Variants in DNPEP observed in about 807,000 individuals in gnomAD.
DNPEP encodes the protein aspartyl aminopeptidase.
Under a neutral mutation model 59.1 loss-of-function variants are expected in DNPEP, and 46 were observed. The ratio of observed to expected loss-of-function variants is 0.78; its 90% CI spans 0.61 to 0.99. The LOEUF (loss-of-function observed/expected upper bound fraction) is 0.99. Ranked by LOEUF, DNPEP falls within the 50% of genes least tolerant of loss-of-function variation. The probability of loss-of-function intolerance (pLI) is 0.00; values close to 1 mark genes in which losing one functional copy is unlikely to be tolerated. For missense variants in DNPEP, 617 were observed against 649.9 expected (o/e 0.95, Z 0.55); for synonymous variants, 229 against 242.2 (o/e 0.95, Z 0.50).
rs1180861061 is a variant in DNPEP at position 219,372,543 on chromosome 2, A to G, written c.*1749T>C. ...ACCACGCATGGCTAATTTTTTTTGTATTTTTAGTAGAGAGGTTTTCACCAT... is the reference window on the plus strand; with the variant it reads ...ACCACGCATGGCTAATTTTTTTTGTGTTTTTAGTAGAGAGGTTTTCACCAT... On this transcript the variant is annotated 3_prime_UTR_variant, in exon 15 of 15. Coordinates refer to ENST00000273075, the MANE Select transcript of DNPEP (RefSeq NM_012100.4). Among the ~76,000 whole-genome samples, 1 of 151,494 alleles carries G rather than the reference A, an allele frequency of 6.6e-6. No homozygotes were observed. The highest frequency in any genetic ancestry group is 1.5e-5 in the Non-Finnish European group (1 of 67,890).
chr2:219,381,853 C>T (rs931771828), intron 11 of DNPEP, 126 bp downstream of exon 11: 25 of 1,252,856 alleles, frequency 2.0e-5, no homozygotes, highest in East Asian at 1.0e-4. Flanking sequence ...AGGAAGTGCC[C>T]GTGAACCTCC....
In DNPEP at chr2:219,387,168, G is replaced by A. The variant is rs1473361853; in HGVS notation, c.37-5C>T. On this transcript the variant is annotated splice_polypyrimidine_tract_variant and splice_region_variant and intron_variant, in intron 1 of 14. Transcript: ENST00000273075. ...GGCCTTACCGTTCATGGCCACCTAG[G>A]GGAGGGGGATGCTCAGACTTTTACA... 3 of 1,554,552 alleles carry A rather than the reference G, an allele frequency of 1.9e-6. No homozygotes were observed. Among genetic ancestry groups the A allele is most frequent in the African/African-American group, 1.4e-5 (1 of 73,076 alleles).
intron 13 of DNPEP, among the ~76,000 whole-genome samples, chr2:219,377,586 T>C (rs1953425461): frequency 6.6e-6 from 1 of 152,092 alleles, no homozygotes; most frequent in Admixed American, 6.6e-5. Context: ...AAACGGAAAG[T>C]GATCTGTGCA....
At chr2:219,381,786 A>C in intron 11 of DNPEP, 193 bp downstream of exon 11, 1 of 856,530 alleles carries the variant, frequency 1.2e-6, no homozygotes, top group South Asian at 1.6e-5. Flanking sequence ...GGTGTATTCC[A>C]CACACCTGGG....
At chr2:219,398,483 C>T (rs1348845930) in intron 1 of DNPEP, among the ~76,000 whole-genome samples, 2 of 152,184 alleles carry the variant, frequency 1.3e-5, no homozygotes, top group Non-Finnish European at 2.9e-5. Flanking sequence ...AACCCTGTCT[C>T]TACTAAAAAT....
In DNPEP at chr2:219,387,776, T is replaced by A; in HGVS notation, c.19A>T (p.Thr7Ser). Residue 7 changes from threonine to serine, a missense_variant, in exon 1 of 15, where the codon ACG becomes TCG. Transcript: ENST00000273075. ...CCACTTACCTGCATGGCCCCGCGCGTGGGGCTGTGTCCGCTCATCTGGCCT... is the reference window on the plus strand; with the variant it reads ...CCACTTACCTGCATGGCCCCGCGCGAGGGGCTGTGTCCGCTCATCTGGCCT... MSGHSP[T>S]RGAMQVAMNG... 1 of 1,602,964 alleles carries A rather than the reference T, an allele frequency of 6.2e-7. No homozygotes were observed. Among genetic ancestry groups the A allele is most frequent in the Non-Finnish European group, 8.5e-7 (1 of 1,175,582 alleles).
upstream of DNPEP, among the ~76,000 whole-genome samples, chr2:219,389,889 G>C (rs545773744): frequency 3.5e-5 from 4 of 114,760 alleles, no homozygotes; most frequent in African/African-American, 6.0e-5. Context: ...GACATGGAGA[G>C]AGCATTCTTG....
At chr2:219,397,326 A>AT (rs373944638) in intron 1 of DNPEP, among the ~76,000 whole-genome samples, 88 of 148,150 alleles carry the variant, frequency 5.9e-4, no homozygotes, top group African/African-American at 1.6e-3. Context: ...AAATCAGGGC[A>AT]TTTTTTTTTT....
At chr2:219,399,810 G>C (rs1238141720) in intron 1 of DNPEP, 2 of 1,305,560 alleles carry the variant, frequency 1.5e-6, no homozygotes, top group African/African-American at 2.8e-5. Context: ...TGGAAGGCTG[G>C]TGCCTAGGAA....
rs750042262 is a variant in DNPEP at position 219,375,041 on chromosome 2, C to G, written c.1240-19G>C. ...TGAGATCCTAGGGAGAGCAGGAGAC[C>G]CATGAGCAACATGCAGTGTGTGCTT... On this transcript the variant is annotated intron_variant, in intron 13 of 14. Coordinates refer to ENST00000273075, the MANE Select transcript of DNPEP (RefSeq NM_012100.4). 6.2e-7 allele frequency: 1 copy of G among 1,612,998 alleles called. No individual in the cohort carries two copies. Among genetic ancestry groups the G allele is most frequent in the Non-Finnish European group, 8.5e-7 (1 of 1,179,426 alleles).
chr2:219,398,935 A>G (rs375544614), intron 1 of DNPEP, among the ~76,000 whole-genome samples: 1 of 152,216 alleles, frequency 6.6e-6, no homozygotes, highest in East Asian at 1.9e-4. Flanking sequence ...CTGGCTCTCA[A>G]CCTGACTAGA....
intron 1 of DNPEP, chr2:219,399,442 G>A (rs2125156656): frequency 2.2e-6 from 1 of 459,694 alleles, no homozygotes; most frequent in East Asian, 6.9e-5. Context: ...CCCCATACCT[G>A]AAACTCCTGA....
chr2:219,379,550 A>G (rs1953502720), intron 13 of DNPEP, among the ~76,000 whole-genome samples: 1 of 152,250 alleles, frequency 6.6e-6, no homozygotes. Context: ...ATACTTTTGA[A>G]TAGCTGTACT....
intron 1 of DNPEP, among the ~76,000 whole-genome samples, chr2:219,394,357 A>C (rs1462186776): frequency 3.3e-5 from 5 of 152,136 alleles, no homozygotes; most frequent in African/African-American, 4.8e-5. Context: ...GGCCTTCCAG[A>C]CACTTACTAC....
At chr2:219,380,842 T>TACACACACAC (rs58867229) in intron 13 of DNPEP, among the ~76,000 whole-genome samples, 4,162 of 145,754 alleles carry the variant, frequency 0.029, 156 homozygotes, top group African/African-American at 0.079. Context: ...CATATATATG[T>TACACACACAC]ACACACACAC....
At chr2:219,399,517 C>T (rs1262944740) in intron 1 of DNPEP, 1 of 493,980 alleles carries the variant, frequency 2.0e-6, no homozygotes, top group Non-Finnish European at 4.0e-6. Context: ...GTAATTTTGC[C>T]ATCTTTAGAT....
At chr2:219,383,863 C>T (rs1290458579) in intron 9 of DNPEP, among the ~76,000 whole-genome samples, 1 of 151,914 alleles carries the variant, frequency 6.6e-6, no homozygotes, top group African/African-American at 2.4e-5. Flanking sequence ...AGATCAAGGG[C>T]AAGAGGAGAG....
At chr2:219,376,396 G>A (rs1953371783) in intron 13 of DNPEP, among the ~76,000 whole-genome samples, 1 of 151,602 alleles carries the variant, frequency 6.6e-6, no homozygotes, top group African/African-American at 2.4e-5. Context: ...GCTGAGGTAT[G>A]AGACTCTCTT....
At chr2:219,391,324 A>G (rs1559344456), upstream of DNPEP, among the ~76,000 whole-genome samples, 4 of 152,234 alleles carry the variant, frequency 2.6e-5, no homozygotes, top group South Asian at 8.3e-4. Flanking sequence ...TTTATACCCA[A>G]ATTTCTGTGG....
Sources: allele counts gnomAD v4.1 joint callset (sites outside exome capture counted in the v4.1 genomes callset), GRCh38; gene constraint gnomAD v4.1.1; transcripts MANE v1.5; gene names NCBI Gene and HGNC (gene_info 2026-07-23, HGNC 2026-07-21).